The following TTC27 variants were observed in gnomAD, a reference collection of about 807,000 sequenced individuals.
TTC27 encodes the protein tetratricopeptide repeat domain 27, also known as tetratricopeptide repeat protein 27.
In TTC27, 79 loss-of-function variants were observed where a neutral mutation model predicts 115.9. The observed-to-expected ratio is 0.68, with a 90% CI of 0.57 to 0.82. TTC27 has a LOEUF of 0.82. TTC27 is among the 40% of genes least tolerant of loss of function. TTC27 has a pLI of 0.00. For synonymous variants in TTC27, 401 were observed against 356.0 expected, an observed-to-expected ratio of 1.13 and a Z score of -1.42; for missense variants, 1,054 against 993.1, an observed-to-expected ratio of 1.06 and a Z score of -0.82.
At chr2:32,797,001 C>T (rs1670724408) in intron 16 of TTC27, among the ~76,000 whole-genome samples, 1 of 151,624 alleles carries the variant, frequency 6.6e-6, no homozygotes, top group Admixed American at 6.6e-5. Context: ...GGTGAAACCC[C>T]ATCTCTACAA....
chr2:32,640,922 C>T (rs964040352), intron 4 of TTC27, among the ~76,000 whole-genome samples: 2 of 152,030 alleles, frequency 1.3e-5, no homozygotes, highest in Non-Finnish European at 2.9e-5. Flanking sequence ...GTGGAGGTTG[C>T]AGTGAGCCGT....
intron 19 of TTC27, among the ~76,000 whole-genome samples, chr2:32,818,750 A>C (rs1558360052): frequency 6.6e-6 from 1 of 152,194 alleles, no homozygotes; most frequent in Non-Finnish European, 1.5e-5. Context: ...CTTACTTCCG[A>C]GAGTAAGTCT....
intron 16 of TTC27, among the ~76,000 whole-genome samples, chr2:32,807,928 C>CTTTTTTTT (rs70938367): frequency 9.1e-6 from 1 of 109,682 alleles, no homozygotes; most frequent in Non-Finnish European, 1.8e-5. Context: ...TACTTGCCCT[C>CTTTTTTTT]TTTTTTTTTT....
At position 32,636,500 on chromosome 2, in the gene TTC27, A is replaced by C. The variant is rs567517235; in HGVS notation, c.396+2495A>C. The stretch of plus-strand genomic sequence containing the variant: ...AAGTGTTAGGATTATGGTGTGAGCC[A>C]CTGCGCCTGGCCTTAATTCACATTT... On this transcript the variant is annotated intron_variant, in intron 3 of 19. Coordinates refer to ENST00000317907, the MANE Select transcript of TTC27 (RefSeq NM_017735.5). Among the ~76,000 whole-genome samples, 6 of 152,320 alleles carry C rather than the reference A, an allele frequency of 3.9e-5. No individual in the cohort carries two copies. The East Asian group carries it at 1.2e-3, about 29-fold the overall frequency.
At chr2:32,767,444 T>C (rs984493740) in intron 13 of TTC27, among the ~76,000 whole-genome samples, 1 of 44,546 alleles carries the variant, frequency 2.2e-5, no homozygotes, top group Non-Finnish European at 5.4e-5. Flanking sequence ...TATTTATAAG[T>C]TTTTTTTTGT....
At chr2:32,690,478 GAT>G (rs1284208059) in intron 9 of TTC27, among the ~76,000 whole-genome samples, 1 of 152,194 alleles carries the variant, frequency 6.6e-6, no homozygotes, top group East Asian at 1.9e-4. Context: ...CACAGATAAA[GAT>G]ATCCTCTAGT....
chr2:32,681,976 ATATATGTGTGTG>A lies in TTC27; in HGVS notation c.1119+3056_1119+3067del, dbSNP rs1273071469. On this transcript the variant is annotated intron_variant, in intron 9 of 19. Coordinates refer to ENST00000317907, the MANE Select transcript of TTC27 (RefSeq NM_017735.5). ...ATTATAATTATTTATATATATGTATATATATGTGTGTGTGTGTGTGTGTGTGTGTGTGTGTGT... is the reference window on the plus strand; with the variant it reads ...ATTATAATTATTTATATATATGTATATGTGTGTGTGTGTGTGTGTGTGTGT... Among the ~76,000 whole-genome samples the A allele has an allele frequency of 1.5e-4, 9 of 58,896 alleles. No individual in the cohort carries two copies. The South Asian group carries it at 3.1e-3, about 20-fold the overall frequency. 38.6% of individuals were successfully genotyped at this position (58,896 alleles called of 152,430 possible). A position where few individuals can be genotyped will look rare whatever the true frequency, so the allele number is the denominator to read the frequency against.
intron 10 of TTC27, among the ~76,000 whole-genome samples, chr2:32,707,477 A>G (rs1000845382): frequency 6.6e-6 from 1 of 152,332 alleles, no homozygotes; most frequent in South Asian, 2.1e-4. Flanking sequence ...TAGAGGACAC[A>G]TTCAAACTAT....
Position 32,702,883 on chromosome 2 carries a change from G to A in TTC27, c.1196G>A (p.Ser399Asn). The change falls in exon 10 of 20, where the codon AGT becomes AAT. Residue 399 changes from serine to asparagine, a missense_variant. Coordinates refer to ENST00000317907, the MANE Select transcript of TTC27 (RefSeq NM_017735.5). Reference sequence around the variant, plus strand: ...CTCCGGACAAAACTTGAGAAAGGAAGTACTCGCCGAGTGGAACGGGCAATG... The same window carrying A: ...CTCCGGACAAAACTTGAGAAAGGAAATACTCGCCGAGTGGAACGGGCAATG... ...LILRTKLEKG[S>N]TRRVERAMRQ... The A allele has an allele frequency of 6.2e-7, 1 of 1,614,126 alleles. No individual in the cohort carries two copies. The highest frequency in any genetic ancestry group is 8.5e-7 in the Non-Finnish European group (1 of 1,179,996).
At chr2:32,777,093 A>T (rs893802096) in intron 13 of TTC27, among the ~76,000 whole-genome samples, 15 of 152,234 alleles carry the variant, frequency 9.9e-5, no homozygotes, top group African/African-American at 3.4e-4. Flanking sequence ...ACTATTTGGT[A>T]ATCCAGATTC....
At chr2:32,808,603 C>G (rs947013014) in intron 16 of TTC27, among the ~76,000 whole-genome samples, 2 of 152,186 alleles carry the variant, frequency 1.3e-5, no homozygotes, top group African/African-American at 4.8e-5. Flanking sequence ...CCCCTGCAAA[C>G]ACACACACAT....
intron 11 of TTC27, 59 bp downstream of exon 11, chr2:32,733,982 A>G (rs527787516): frequency 1.8e-6 from 2 of 1,109,118 alleles, no homozygotes; most frequent in East Asian, 4.9e-5. Context: ...AGGTAAATGC[A>G]TTATAAATTG....
intron 5 of TTC27, among the ~76,000 whole-genome samples, chr2:32,656,776 A>G (rs1476727507): frequency 6.6e-6 from 1 of 152,074 alleles, no homozygotes; most frequent in East Asian, 1.9e-4. Context: ...CACCCTTCTG[A>G]TAAGGTTTGT....
intron 9 of TTC27, among the ~76,000 whole-genome samples, chr2:32,695,083 G>A (rs2151896863): frequency 6.6e-6 from 1 of 152,258 alleles, no homozygotes; most frequent in African/African-American, 2.4e-5. Flanking sequence ...TAAGGGTACA[G>A]TTCAGTGGCA....
chr2:32,662,704 C>A (rs193051301), intron 5 of TTC27, among the ~76,000 whole-genome samples: 1 of 151,904 alleles, frequency 6.6e-6, no homozygotes, highest in African/African-American at 2.4e-5. Context: ...CTTTGTTAAC[C>A]TTTTCAAAAA....
intron 13 of TTC27, among the ~76,000 whole-genome samples, chr2:32,765,357 CTT>C (rs35543003): frequency 2.8e-4 from 39 of 139,672 alleles, no homozygotes; most frequent in East Asian, 6.3e-4. Context: ...TGAAAGGAAT[CTT>C]TTTTTTTTTT....
chr2:32,632,162 CTTTT>C (rs372312922), intron 2 of TTC27, among the ~76,000 whole-genome samples: 1 of 126,092 alleles, frequency 7.9e-6, no homozygotes, highest in Admixed American at 8.0e-5. Context: ...TGGTATCATT[CTTTT>C]TTTTTTTTTT....
chr2:32,691,171 A>G (rs1666795791), intron 9 of TTC27, among the ~76,000 whole-genome samples: 1 of 152,236 alleles, frequency 6.6e-6, no homozygotes, highest in Non-Finnish European at 1.5e-5. Flanking sequence ...ATCCTCTTTG[A>G]TGATGGTACA....
At chr2:32,665,081 A>T (rs1376864650) in intron 6 of TTC27, among the ~76,000 whole-genome samples, 3 of 151,838 alleles carry the variant, frequency 2.0e-5, no homozygotes, top group Admixed American at 1.3e-4. Context: ...TCCTGACCTC[A>T]AGTGATCCGC....
Sources: gnomAD v4.1 joint callset for allele counts (sites outside exome capture counted in the v4.1 genomes callset) on GRCh38, gnomAD v4.1.1 for gene constraint, MANE v1.5 for transcripts, NCBI Gene and HGNC (gene_info 2026-07-23, HGNC 2026-07-21) for gene names.